The following NCOA6 variants were observed in gnomAD, a reference collection of about 807,000 sequenced individuals.
The protein encoded by NCOA6 is NRC RAP250.
Under a neutral mutation model 171.4 loss-of-function variants are expected in NCOA6, and 49 were observed. That is an observed-to-expected ratio of 0.29 (90% CI 0.23 to 0.36). The LOEUF is 0.36. Among genes scored for constraint, NCOA6 ranks in the 10% least tolerant of loss-of-function variants. The probability of loss-of-function intolerance (pLI) is 1.00; values close to 1 mark genes in which losing one functional copy is unlikely to be tolerated. For missense variants in NCOA6, 2,248 were observed against 2,554.5 expected, an observed-to-expected ratio of 0.88 and a Z score of 2.59; for synonymous variants, 910 against 927.5, an observed-to-expected ratio of 0.98 and a Z score of 0.34.
At chr20:34,739,022 T>G (rs1192771618) in intron 11 of NCOA6, 1 of 439,804 alleles carries the variant, frequency 2.3e-6, no homozygotes, top group Non-Finnish European at 4.7e-6. Context: ...GACTCCACTC[T>G]GGGGAAATAG....
chr20:34,758,204 G>A, intron 6 of NCOA6, 100 bp from the exon 7 acceptor site: 1 of 1,424,074 alleles, frequency 7.0e-7, no homozygotes, highest in Non-Finnish European at 9.4e-7. Context: ...AAAATCTGCT[G>A]GTACTATTCG....
rs1470698181 is a variant in NCOA6, at chr20:34,792,431, C to T, written c.-50+19G>A. ...ATTAAGTTGGCTTTATTAACTCTCT[C>T]GCATAAGGTTTCACTCACCAAAATC... On this transcript the variant is annotated intron_variant, in intron 2 of 14. Transcript: ENST00000359003. The T allele has an allele frequency of 3.0e-5, 12 of 396,732 alleles. No individual in the cohort carries two copies. Among genetic ancestry groups the T allele is most frequent in the Non-Finnish European group, 4.4e-5 (10 of 225,344 alleles). The allele number at this position is 396,732 out of a possible 1,614,324, so 24.6% of individuals were successfully genotyped here.
chr20:34,765,766 G>A (rs1385419531), intron 5 of NCOA6, among the ~76,000 whole-genome samples: 1 of 152,052 alleles, frequency 6.6e-6, no homozygotes, highest in Non-Finnish European at 1.5e-5. Flanking sequence ...AAAATTATTG[G>A]CCCCAAACAT....
intron 13 of NCOA6, among the ~76,000 whole-genome samples, chr20:34,728,720 T>C (rs1990261252): frequency 6.6e-6 from 1 of 152,178 alleles, no homozygotes; most frequent in Non-Finnish European, 1.5e-5. Flanking sequence ...ACAGAAGACC[T>C]AAATACCTAA....
At chr20:34,780,764 C>T (rs768029829) in intron 3 of NCOA6, among the ~76,000 whole-genome samples, 1 of 152,050 alleles carries the variant, frequency 6.6e-6, no homozygotes, top group African/African-American at 2.4e-5. Context: ...AGTGATCCTC[C>T]CACCTCAGCC....
At chr20:34,812,573 C>T (rs995179371) in intron 1 of NCOA6, among the ~76,000 whole-genome samples, 1 of 152,030 alleles carries the variant, frequency 6.6e-6, no homozygotes, top group Non-Finnish European at 1.5e-5. Flanking sequence ...CATCCCAACA[C>T]ATATTATAAA....
intron 1 of NCOA6, among the ~76,000 whole-genome samples, chr20:34,811,940 T>C (rs1359107384): frequency 2.0e-5 from 3 of 152,194 alleles, no homozygotes; most frequent in Admixed American, 6.5e-5. Context: ...TACCCTTTCA[T>C]GAGGTCCTTA....
chr20:34,825,503 C>T lies in NCOA6; in HGVS notation c.-195G>A, dbSNP rs1453361332. ...GCGGCCCCGGCCCTCCCGGGCGGGCCTTGGAGCGCCGGCCCGGGCCGTGCG... is the reference window on the plus strand; with the variant it reads ...GCGGCCCCGGCCCTCCCGGGCGGGCTTTGGAGCGCCGGCCCGGGCCGTGCG... On this transcript the variant is annotated 5_prime_UTR_variant, in exon 1 of 15. Transcript: ENST00000359003. 6.8e-6 allele frequency: 1 copy of T among 148,086 alleles called. No homozygotes were observed. Among genetic ancestry groups the T allele is most frequent in the Non-Finnish European group, 1.5e-5 (1 of 66,562 alleles). 9.2% of individuals were successfully genotyped at this position (148,086 alleles called of 1,614,324 possible). A position where few individuals can be genotyped will look rare whatever the true frequency, so the allele number is the denominator to read the frequency against.
At position 34,776,358 on chromosome 20, in the gene NCOA6, C is replaced by T. The variant is rs1233789890; in HGVS notation, c.326G>A (p.Arg109Gln). The change falls in exon 4 of 15, where the codon CGG becomes CAG. Residue 109 changes from arginine (R) to glutamine (Q), a missense_variant. Transcript: ENST00000359003. ...CTGGTTGTTGCTCTGAGCAAGGATCCGTAGCCGCTCCGCTGCTTCCCGGGG... is the reference window on the plus strand; with the variant it reads ...CTGGTTGTTGCTCTGAGCAAGGATCTGTAGCCGCTCCGCTGCTTCCCGGGG... ...NIPREAAERL[R>Q]ILAQSNNQQL... The T allele has an allele frequency of 1.9e-6, 3 of 1,614,090 alleles. No individual in the cohort carries two copies. Among genetic ancestry groups the T allele is most frequent in the East Asian group, 2.2e-5 (1 of 44,886 alleles).
intron 1 of NCOA6, among the ~76,000 whole-genome samples, chr20:34,800,915 C>G (rs1324104405): frequency 1.3e-5 from 2 of 152,196 alleles, no homozygotes; most frequent in African/African-American, 4.8e-5. Flanking sequence ...AATCCACATT[C>G]TTCTCCTCAG....
intron 1 of NCOA6, among the ~76,000 whole-genome samples, chr20:34,804,443 G>GCTGC (rs1375493255): frequency 1.3e-5 from 2 of 150,588 alleles, no homozygotes; most frequent in African/African-American, 2.5e-5. Flanking sequence ...GGAGGTTGAG[G>GCTGC]CTGCAGTGAG....
At chr20:34,810,184 A>C (rs542221048) in intron 1 of NCOA6, among the ~76,000 whole-genome samples, 1 of 152,352 alleles carries the variant, frequency 6.6e-6, no homozygotes, top group South Asian at 2.1e-4. Flanking sequence ...TACAATAGAT[A>C]CATTTGTCCT....
rs191792566 is a variant in NCOA6 at position 34,770,280 on chromosome 20, C to A, written c.392-1694G>T. On this transcript the variant is annotated intron_variant, in intron 4 of 14. Coordinates refer to ENST00000359003, the MANE Select transcript of NCOA6 (RefSeq NM_014071.5). ...GTCTCGATCTTTTGACCTTGTGATC[C>A]GCCCAAAGTGCTGGGATTACAGGCG... Among the ~76,000 whole-genome samples the A allele has an allele frequency of 2.6e-3, 403 of 152,174 alleles. 6 individuals are homozygous for A. The highest frequency in any genetic ancestry group is 1.0e-3 in the Non-Finnish European group (69 of 68,014).
At chr20:34,768,181 T>C (rs2077036305) in intron 5 of NCOA6, among the ~76,000 whole-genome samples, 1 of 152,176 alleles carries the variant, frequency 6.6e-6, no homozygotes, top group Admixed American at 6.5e-5. Flanking sequence ...CACTTATTTC[T>C]ATTTCCAACA....
At chr20:34,740,240 C>T in intron 11 of NCOA6, 123 bp downstream of exon 11, 1 of 1,247,462 alleles carries the variant, frequency 8.0e-7, no homozygotes, top group Non-Finnish European at 1.1e-6. Flanking sequence ...ATAAATAAAA[C>T]TACTGCTATT....
At chr20:34,727,687 C>T (rs576023940) in intron 13 of NCOA6, among the ~76,000 whole-genome samples, 1 of 151,088 alleles carries the variant, frequency 6.6e-6, no homozygotes, top group East Asian at 1.9e-4. Flanking sequence ...AAAATTGGAA[C>T]AAAACTCCCC....
chr20:34,810,357 TTTTAA>T (rs899586928), intron 1 of NCOA6, among the ~76,000 whole-genome samples: 5 of 152,196 alleles, frequency 3.3e-5, no homozygotes, highest in African/African-American at 9.6e-5. Flanking sequence ...TTATTATACT[TTTTAA>T]TTTAACATTA....
At chr20:34,757,185 A>G (rs1319655421) in intron 7 of NCOA6, 35 bp downstream of exon 7, 2 of 1,514,664 alleles carry the variant, frequency 1.3e-6, no homozygotes, top group Non-Finnish European at 1.8e-6. Context: ...AGCTCCAGCA[A>G]ATTTACCAAC....
In NCOA6 at chr20:34,719,414, T is replaced by C. The variant is rs576597749; in HGVS notation, c.6149-4049A>G. On this transcript the variant is annotated intron_variant, in intron 14 of 14. Coordinates refer to ENST00000359003, the MANE Select transcript of NCOA6 (RefSeq NM_014071.5). ...GATTAGCAGAGGTCGGCAGATCACT[T>C]GAGGTCAGGAGTTCAAGACCAGCCT... Among the ~76,000 whole-genome samples, 30 of 152,168 alleles carry C rather than the reference T, an allele frequency of 2.0e-4. 1 individual carries two copies. The South Asian group carries it at 6.2e-3, about 32-fold the overall frequency.
Sources: gnomAD v4.1 joint callset for allele counts (sites outside exome capture counted in the v4.1 genomes callset) on GRCh38, gnomAD v4.1.1 for gene constraint, MANE v1.5 for transcripts, NCBI Gene and HGNC (gene_info 2026-07-23, HGNC 2026-07-21) for gene names.